Variants in XYLT1 observed in about 807,000 individuals in gnomAD.
The protein encoded by XYLT1 is xylosyltransferase 1, also known as beta-D-xylosyltransferase 1.
XYLT1 carries 36 observed loss-of-function variants against 91.3 expected under a neutral mutation model. The ratio of observed to expected loss-of-function variants is 0.39; its 90% CI spans 0.30 to 0.52. The LOEUF (loss-of-function observed/expected upper bound fraction) is 0.52, where lower values mean the gene tolerates loss of function less well. Ranked by LOEUF, XYLT1 falls within the 20% of genes least tolerant of loss-of-function variation. The probability of loss-of-function intolerance (pLI) is 0.68; values close to 1 mark genes in which losing one functional copy is unlikely to be tolerated. For missense variants in XYLT1, 1,242 were observed against 1,284.5 expected (o/e 0.97, Z 0.51); for synonymous variants, 588 against 532.0 (o/e 1.11, Z -1.45).
At chr16:17,206,765 C>T (rs1194043182) in intron 3 of XYLT1, among the ~76,000 whole-genome samples, 1 of 152,026 alleles carries the variant, frequency 6.6e-6, no homozygotes, top group Admixed American at 6.6e-5. Context: ...AATAAACAAA[C>T]ACTCATTATG....
intron 2 of XYLT1, among the ~76,000 whole-genome samples, chr16:17,348,582 G>C (rs2035177994): frequency 1.3e-5 from 2 of 152,120 alleles, no homozygotes; most frequent in South Asian, 4.1e-4. Context: ...ATGTTGTTAT[G>C]AGGAAACGAG....
In XYLT1 at chr16:17,120,163, C is replaced by T. The variant is rs1406785532; in HGVS notation, c.2224-2184G>A. On this transcript the variant is annotated intron_variant, in intron 10 of 11. Coordinates refer to ENST00000261381, the MANE Select transcript of XYLT1 (RefSeq NM_022166.4). ...AGTGCCTAGCATAGTGCCCGGAACA[C>T]AGTAGGAATTAAAAGGATACTATTT... Among the ~76,000 whole-genome samples, 12 of 152,252 alleles carry T rather than the reference C, an allele frequency of 7.9e-5. No homozygotes were observed. In the East Asian group the frequency reaches 2.1e-3, roughly 27 times the overall value.
At chr16:17,377,406 G>A (rs66831125) in intron 1 of XYLT1, among the ~76,000 whole-genome samples, 14,883 of 152,122 alleles carry the variant, frequency 0.098, 913 homozygotes, top group African/African-American at 0.17. Flanking sequence ...CCCATTGTCT[G>A]GATGGCAGAA....
intron 2 of XYLT1, among the ~76,000 whole-genome samples, chr16:17,313,083 T>C (rs2141823168): frequency 6.6e-6 from 1 of 152,272 alleles, no homozygotes; most frequent in African/African-American, 2.4e-5. Flanking sequence ...CTATCCCAGC[T>C]CAAAGGTGTG....
At chr16:17,431,308 A>T in intron 1 of XYLT1, among the ~76,000 whole-genome samples, 1 of 152,210 alleles carries the variant, frequency 6.6e-6, no homozygotes, top group East Asian at 1.9e-4. Context: ...TCGCCTGGGA[A>T]TCTTGTGAAA....
intron 5 of XYLT1, among the ~76,000 whole-genome samples, chr16:17,169,659 G>A (rs1415667319): frequency 6.7e-6 from 1 of 149,926 alleles, no homozygotes; most frequent in Non-Finnish European, 1.5e-5. Flanking sequence ...CTGCTTGGTG[G>A]GTTGGGGGGC....
chr16:17,264,273 T>G (rs574899175), intron 2 of XYLT1, among the ~76,000 whole-genome samples: 118 of 152,128 alleles, frequency 7.8e-4, no homozygotes, highest in Non-Finnish European at 1.5e-3. Flanking sequence ...CACTCTCTGG[T>G]TCTAGGATTC....
chr16:17,206,651 G>A (rs569833253), intron 3 of XYLT1, among the ~76,000 whole-genome samples: 5 of 152,188 alleles, frequency 3.3e-5, no homozygotes, highest in African/African-American at 1.2e-4. Context: ...CAGAAGGACT[G>A]CTTGAGTCCA....
intron 1 of XYLT1, among the ~76,000 whole-genome samples, chr16:17,427,035 C>T (rs1481083066): frequency 6.6e-6 from 1 of 152,102 alleles, no homozygotes; most frequent in African/African-American, 2.4e-5. Flanking sequence ...GTGAATGATA[C>T]AAAATCAGGC....
intron 5 of XYLT1, among the ~76,000 whole-genome samples, chr16:17,176,647 C>T (rs1478884549): frequency 6.6e-6 from 1 of 152,162 alleles, no homozygotes; most frequent in East Asian, 1.9e-4. Flanking sequence ...AAACCCAGGG[C>T]CACGAAGCCT....
intron 6 of XYLT1, among the ~76,000 whole-genome samples, chr16:17,154,422 T>A (rs2031356289): frequency 6.6e-6 from 1 of 152,154 alleles, no homozygotes; most frequent in African/African-American, 2.4e-5. Flanking sequence ...ACTTTCCAGC[T>A]CCCTGGAAGA....
chr16:17,267,683 A>G (rs1266839287), intron 2 of XYLT1, among the ~76,000 whole-genome samples: 1 of 152,238 alleles, frequency 6.6e-6, no homozygotes, highest in East Asian at 1.9e-4. Context: ...TGCTGGGATT[A>G]CAGGCGTGAG....
chr16:17,430,692 T>A (rs757492199), intron 1 of XYLT1, among the ~76,000 whole-genome samples: 3 of 152,194 alleles, frequency 2.0e-5, no homozygotes, highest in Non-Finnish European at 2.9e-5. Flanking sequence ...AATTTGTGAA[T>A]GTTTACATAT....
intron 11 of XYLT1, among the ~76,000 whole-genome samples, chr16:17,109,863 G>A (rs949283262): frequency 6.6e-5 from 10 of 152,196 alleles, no homozygotes; most frequent in East Asian, 3.9e-4. Context: ...TGTACTCTGC[G>A]TAAGTTGGAT....
intron 5 of XYLT1, among the ~76,000 whole-genome samples, chr16:17,168,260 C>T (rs1239573673): frequency 6.6e-6 from 1 of 152,164 alleles, no homozygotes; most frequent in African/African-American, 2.4e-5. Context: ...ACTGTGCAGC[C>T]ATCAAAAGAA....
chr16:17,121,711 G>C (rs911456480), intron 10 of XYLT1, among the ~76,000 whole-genome samples: 1 of 152,036 alleles, frequency 6.6e-6, no homozygotes, highest in Non-Finnish European at 1.5e-5. Context: ...TGCACCCCAT[G>C]TGTAGTCTTT....
At chr16:17,217,630 A>C (rs2032884641) in intron 3 of XYLT1, among the ~76,000 whole-genome samples, 1 of 152,222 alleles carries the variant, frequency 6.6e-6, no homozygotes, top group African/African-American at 2.4e-5. Flanking sequence ...GGCACTGAGA[A>C]TGCCCAAATG....
At chr16:17,384,200 G>T (rs2035719396) in intron 1 of XYLT1, among the ~76,000 whole-genome samples, 3 of 151,822 alleles carry the variant, frequency 2.0e-5, no homozygotes, top group Admixed American at 6.6e-5. Flanking sequence ...CTATAAAGCA[G>T]TTCCAGCCCT....
At chr16:17,429,478 T>C (rs1395517965) in intron 1 of XYLT1, among the ~76,000 whole-genome samples, 1 of 152,226 alleles carries the variant, frequency 6.6e-6, no homozygotes, top group Non-Finnish European at 1.5e-5. Flanking sequence ...CTTCCAGAAA[T>C]GGCTACATTA....
Sources: gnomAD v4.1 joint callset for allele counts (sites outside exome capture counted in the v4.1 genomes callset) on GRCh38, gnomAD v4.1.1 for gene constraint, MANE v1.5 for transcripts, NCBI Gene and HGNC (gene_info 2026-07-23, HGNC 2026-07-21) for gene names.